SORCS2: variants seen among roughly 807,000 people sequenced by gnomAD.
SORCS2 encodes the protein sortilin related VPS10 domain containing receptor 2.
A neutral mutation model predicts 141.6 loss-of-function variants in SORCS2; 100 were observed. That is an observed-to-expected ratio of 0.71 (90% CI 0.60 to 0.83). The LOEUF is 0.83. Ranked by LOEUF, SORCS2 falls within the 40% of genes least tolerant of loss-of-function variation. The pLI, the probability that SORCS2 is intolerant of heterozygous loss-of-function variation, is 0.00. For synonymous variants in SORCS2, 789 were observed against 676.9 expected, an observed-to-expected ratio of 1.17 and a Z score of -2.57; for missense variants, 1,646 against 1,560.2, an observed-to-expected ratio of 1.05 and a Z score of -0.93.
intron 1 of SORCS2, among the ~76,000 whole-genome samples, chr4:7,307,969 G>A (rs1446931706): frequency 6.6e-6 from 1 of 152,164 alleles, no homozygotes; most frequent in Non-Finnish European, 1.5e-5. Flanking sequence ...GTGTCTGAGT[G>A]TGTGTGCGCA....
At chr4:7,731,126 C>G (rs1711638930) in intron 23 of SORCS2, among the ~76,000 whole-genome samples, 2 of 152,128 alleles carry the variant, frequency 1.3e-5, no homozygotes, top group South Asian at 4.1e-4. Flanking sequence ...CAGCAAGCTA[C>G]CTGGAAAAGA....
chr4:7,632,319 A>T (rs1272499550), intron 3 of SORCS2, among the ~76,000 whole-genome samples: 2 of 152,180 alleles, frequency 1.3e-5, no homozygotes, highest in African/African-American at 4.8e-5. Context: ...CCCAGAACCC[A>T]GTGCAGGTAC....
chr4:7,591,892 G>A (rs1716940130), intron 3 of SORCS2, among the ~76,000 whole-genome samples: 1 of 152,124 alleles, frequency 6.6e-6, no homozygotes, highest in Non-Finnish European at 1.5e-5. Context: ...ACGCTTTTCT[G>A]TGCTTGTGTG....
At chr4:7,602,914 C>G (rs574719635) in intron 3 of SORCS2, among the ~76,000 whole-genome samples, 9 of 152,226 alleles carry the variant, frequency 5.9e-5, no homozygotes, top group Admixed American at 1.3e-4. Context: ...CCCGGCACCT[C>G]GGGAGGCCGA....
chr4:7,548,018 C>G (rs527874128), intron 3 of SORCS2, among the ~76,000 whole-genome samples: 11 of 152,212 alleles, frequency 7.2e-5, no homozygotes, highest in Non-Finnish European at 1.5e-4. Context: ...TTCCTGATTT[C>G]TTTCATCATG....
chr4:7,698,294 G>A (rs753307468), intron 12 of SORCS2, among the ~76,000 whole-genome samples: 16 of 152,164 alleles, frequency 1.1e-4, no homozygotes, highest in South Asian at 2.1e-4. Flanking sequence ...TTACACGCCC[G>A]AGTACCCCAG....
intron 3 of SORCS2, among the ~76,000 whole-genome samples, chr4:7,633,719 C>T (rs956176152): frequency 1.4e-4 from 21 of 152,152 alleles, no homozygotes; most frequent in African/African-American, 4.6e-4. Context: ...GAAAAGCAAA[C>T]AAACAATTCC....
At chr4:7,194,407 G>A (rs2108846219) in intron 1 of SORCS2, among the ~76,000 whole-genome samples, 1 of 152,312 alleles carries the variant, frequency 6.6e-6, no homozygotes, top group South Asian at 2.1e-4. Context: ...GGAGGGATGA[G>A]GTGGGCAGAT....
chr4:7,647,550 A>C (rs2108884817), intron 4 of SORCS2, among the ~76,000 whole-genome samples: 1 of 152,308 alleles, frequency 6.6e-6, no homozygotes, highest in East Asian at 1.9e-4. Context: ...GCTGAGGGGA[A>C]GAGAGAAGGG....
chr4:7,298,420 C>A (rs1212925432), intron 1 of SORCS2, among the ~76,000 whole-genome samples: 1 of 152,176 alleles, frequency 6.6e-6, no homozygotes, highest in Non-Finnish European at 1.5e-5. Context: ...CCCTGACATA[C>A]AAGCAACAGT....
chr4:7,677,210 C>A (rs1723223103), intron 9 of SORCS2, among the ~76,000 whole-genome samples: 1 of 152,152 alleles, frequency 6.6e-6, no homozygotes, highest in Non-Finnish European at 1.5e-5. Context: ...TCCTGGGTCC[C>A]CCTCGGCCTC....
intron 12 of SORCS2, among the ~76,000 whole-genome samples, chr4:7,701,846 T>C (rs922153156): frequency 6.6e-6 from 1 of 152,126 alleles, no homozygotes; most frequent in South Asian, 2.1e-4. Context: ...AGCGTCCCCA[T>C]GATTGTTCCC....
chr4:7,618,853 C>G (rs1159537958), intron 3 of SORCS2, among the ~76,000 whole-genome samples: 2 of 151,222 alleles, frequency 1.3e-5, no homozygotes, highest in African/African-American at 2.4e-5. Flanking sequence ...CACACACACA[C>G]ACACAAACAC....
At chr4:7,511,687 G>A (rs1438600366) in intron 2 of SORCS2, among the ~76,000 whole-genome samples, 1 of 152,126 alleles carries the variant, frequency 6.6e-6, no homozygotes, top group Non-Finnish European at 1.5e-5. Flanking sequence ...GTGGGGACAG[G>A]GCTGGGTGAA....
chr4:7,500,185 C>T (rs1731878355), intron 2 of SORCS2, among the ~76,000 whole-genome samples: 1 of 152,078 alleles, frequency 6.6e-6, no homozygotes, highest in Non-Finnish European at 1.5e-5. Flanking sequence ...CCTATCAGCT[C>T]CCTCCACTCT....
chr4:7,719,253 C>G (rs1281299965), intron 18 of SORCS2, among the ~76,000 whole-genome samples: 1 of 152,238 alleles, frequency 6.6e-6, no homozygotes, highest in African/African-American at 2.4e-5. Flanking sequence ...AGCAGGGAGC[C>G]TGGTCTAAGG....
chr4:7,615,791 C>G (rs368638230), intron 3 of SORCS2, among the ~76,000 whole-genome samples: 1 of 152,192 alleles, frequency 6.6e-6, no homozygotes, highest in South Asian at 2.1e-4. Context: ...AGCAAGGAGC[C>G]TCTGCTGGCC....
intron 2 of SORCS2, among the ~76,000 whole-genome samples, chr4:7,403,993 ATATATTTTTT>A (rs1378700827): frequency 1.3e-3 from 10 of 7,706 alleles, no homozygotes; most frequent in Admixed American, 0.01. Flanking sequence ...ATATATATAT[ATATATTTTTT>A]TTTTTTTTTT....
In SORCS2 at chr4:7,684,650, C is replaced by T. The variant is rs538756385; in HGVS notation, c.1488+1761C>T. Among the ~76,000 whole-genome samples, 18 of 152,320 alleles carry T rather than the reference C, an allele frequency of 1.2e-4. No individual in the cohort carries two copies. The East Asian group carries it at 2.1e-3, about 18-fold the overall frequency. ...GTGTAAAATAGAAAGAACAAAAGTA[C>T]CCGTTTGACAGGTTTATATTCAGCA... is the stretch of plus-strand genomic sequence containing the variant. On this transcript the variant is annotated intron_variant, in intron 10 of 26. Transcript: ENST00000507866.
Sources: gnomAD v4.1 joint callset for allele counts (sites outside exome capture counted in the v4.1 genomes callset) on GRCh38, gnomAD v4.1.1 for gene constraint, MANE v1.5 for transcripts, NCBI Gene and HGNC (gene_info 2026-07-23, HGNC 2026-07-21) for gene names.